CHL1: variants seen among roughly 807,000 people sequenced by gnomAD.
CHL1 encodes the protein cell adhesion molecule L1 like, also known as neural cell adhesion molecule L1-like protein.
Under a neutral mutation model 141.9 loss-of-function variants are expected in CHL1, and 96 were observed. The ratio of observed to expected loss-of-function variants is 0.68; its 90% confidence interval spans 0.57 to 0.80. The LOEUF (loss-of-function observed/expected upper bound fraction) is 0.80. Ranked by LOEUF, CHL1 falls within the 30% of genes least tolerant of loss-of-function variation. CHL1 has a pLI of 0.00. For missense variants in CHL1, 1,820 were observed against 1,457.2 expected, an observed-to-expected ratio of 1.25 and a Z score of -4.05; for synonymous variants, 613 against 502.2, an observed-to-expected ratio of 1.22 and a Z score of -2.95.
chr3:392,723 G>A (rs1175827482), intron 23 of CHL1, among the ~76,000 whole-genome samples: 1 of 152,192 alleles, frequency 6.6e-6, no homozygotes, highest in African/African-American at 2.4e-5. Context: ...ATCAGCTCAA[G>A]ACTTCCAGCA....
intron 2 of CHL1, among the ~76,000 whole-genome samples, chr3:316,638 A>G (rs972476217): frequency 6.6e-6 from 1 of 152,032 alleles, no homozygotes; most frequent in Non-Finnish European, 1.5e-5. Context: ...TTTTAGTAAG[A>G]GTATGACTGG....
chr3:216,969 G>C (rs1363714711), intron 1 of CHL1, among the ~76,000 whole-genome samples: 2 of 152,246 alleles, frequency 1.3e-5, no homozygotes, highest in East Asian at 3.9e-4. Context: ...TTAGTTATGT[G>C]CCATTTCAGC....
chr3:208,838 A>G (rs1024321392), intron 1 of CHL1, among the ~76,000 whole-genome samples: 4 of 152,176 alleles, frequency 2.6e-5, no homozygotes, highest in African/African-American at 9.7e-5. Flanking sequence ...TTAGTTAGTA[A>G]TTACTGTTAT....
chr3:391,941 A>C (rs1463144191), intron 23 of CHL1, 144 bp downstream of exon 23: 1 of 630,840 alleles, frequency 1.6e-6, no homozygotes, highest in Non-Finnish European at 2.5e-6. Context: ...GGGGTCTGTA[A>C]ACTGGCTTGC....
At chr3:306,494 T>C (rs1033450062) in intron 2 of CHL1, among the ~76,000 whole-genome samples, 42 of 152,174 alleles carry the variant, frequency 2.8e-4, no homozygotes, top group Non-Finnish European at 5.0e-4. Context: ...ATCTCTCTGA[T>C]TATAGTTGGT....
At chr3:226,952 T>G (rs1030492371) in intron 1 of CHL1, among the ~76,000 whole-genome samples, 1 of 152,116 alleles carries the variant, frequency 6.6e-6, no homozygotes. Flanking sequence ...AAATGGAAAG[T>G]TTTTGCTAAA....
At chr3:198,282 C>T (rs1222011356) in intron 1 of CHL1, among the ~76,000 whole-genome samples, 1 of 152,020 alleles carries the variant, frequency 6.6e-6, no homozygotes, top group African/African-American at 2.4e-5. Flanking sequence ...GCGTCCAGTC[C>T]CGCTCGTGGG....
intron 24 of CHL1, among the ~76,000 whole-genome samples, chr3:397,817 C>G (rs1390494171): frequency 1.3e-5 from 2 of 150,576 alleles, no homozygotes; most frequent in African/African-American, 4.9e-5. Context: ...AAGACCAAAG[C>G]AAAAAAAAGC....
intron 2 of CHL1, among the ~76,000 whole-genome samples, chr3:261,645 G>A (rs1472884856): frequency 1.3e-5 from 2 of 151,992 alleles, no homozygotes; most frequent in Non-Finnish European, 2.9e-5. Flanking sequence ...ATGGCTCTTT[G>A]ATTATTAATG....
At chr3:284,998 T>G (rs57059620) in intron 2 of CHL1, among the ~76,000 whole-genome samples, 3,755 of 152,348 alleles carry the variant, frequency 0.025, 150 homozygotes, top group African/African-American at 0.086. Flanking sequence ...AATAGATGTC[T>G]AAAATGAACT....
rs1370892864 is a variant in CHL1 at position 383,739 on chromosome 3, G to T, written c.2177-77G>T. 28 of 870,730 alleles carry T rather than the reference G, an allele frequency of 3.2e-5. No homozygotes were observed. In the East Asian group the frequency reaches 5.7e-4, roughly 18 times the overall value. 53.9% of individuals were successfully genotyped at this position (870,730 alleles called of 1,614,324 possible). ...AACTTACTTAATTATCTGTGTTTTT[G>T]GGGGGCAGGAGTTGTGATATGATGA... On this transcript the variant is annotated intron_variant, in intron 18 of 27. Coordinates refer to ENST00000256509, the MANE Select transcript of CHL1 (RefSeq NM_006614.4).
At position 250,063 on chromosome 3, in the gene CHL1, C is replaced by A. The variant is rs1693546340; in HGVS notation, c.-95+5371C>A. 4.6e-5 allele frequency among the ~76,000 whole-genome samples: 7 copies of A among 151,954 alleles called. No homozygotes were observed. In the South Asian group the frequency reaches 1.5e-3, roughly 32 times the overall value. On this transcript the variant is annotated intron_variant, in intron 2 of 27. Coordinates refer to ENST00000256509, the MANE Select transcript of CHL1 (RefSeq NM_006614.4). ...CTCATTGCAGCTTTGATCTCCCAGG[C>A]TCAAATGATTCTCTTGCCTTAGCCT...
intron 10 of CHL1, among the ~76,000 whole-genome samples, chr3:351,573 T>C (rs1456716667): frequency 6.6e-6 from 1 of 152,156 alleles, no homozygotes; most frequent in Admixed American, 6.5e-5. Context: ...TTGTCTCTTT[T>C]TTAGAAGCCC....
chr3:389,311 A>G lies in CHL1; in HGVS notation c.2307A>G (p.Pro769=), dbSNP rs1708035689. 1 of 1,614,148 alleles carries G rather than the reference A, an allele frequency of 6.2e-7. No homozygotes were observed. Among genetic ancestry groups the G allele is most frequent in the Non-Finnish European group, 8.5e-7 (1 of 1,180,028 alleles). The change falls in exon 20 of 28, where the codon CCA becomes CCG. Residue 769 remains proline, a synonymous_variant. Transcript: ENST00000256509. ...TAGAGTACAGAGTGACCTGGAAGCC[A>G]CAGGGAGCCCCAGTGGAGTGGGAAG... ...PGLEYRVTWK[P]QGAPVEWEEE...
intron 1 of CHL1, among the ~76,000 whole-genome samples, chr3:227,361 C>G (rs1487891762): frequency 6.6e-6 from 1 of 152,164 alleles, no homozygotes. Flanking sequence ...TCCAGTGATG[C>G]CAGTTCCTAG....
At chr3:304,754 G>A (rs1575013088) in intron 2 of CHL1, among the ~76,000 whole-genome samples, 2 of 152,078 alleles carry the variant, frequency 1.3e-5, no homozygotes, top group Non-Finnish European at 1.5e-5. Context: ...GTTCTGCTCT[G>A]ATCTTAGCTA....
chr3:287,775 T>A (rs993542154), intron 2 of CHL1, among the ~76,000 whole-genome samples: 1 of 151,932 alleles, frequency 6.6e-6, no homozygotes, highest in Admixed American at 6.6e-5. Flanking sequence ...TTTTTTTGTT[T>A]TTTTTTTTGA....
chr3:399,025 G>A lies in CHL1; in HGVS notation c.3262G>A (p.Gly1088Ser). The part of the protein sequence containing the change: ...VIETRGREYA[G>S]LYDDISTQGW... Reference sequence around the variant, plus strand: ...TTCTCTTTCTACCACAGAATATGCTGGTTTATATGATGACATCTCCACTCA... The same window carrying A: ...TTCTCTTTCTACCACAGAATATGCTAGTTTATATGATGACATCTCCACTCA... The change falls in exon 26 of 28, where the codon GGT (glycine) becomes AGT (serine). Residue 1088 changes from glycine (G) to serine (S), a missense_variant. Gly to Ser is a moderately conservative substitution (Grantham distance 56). Coordinates refer to ENST00000256509, the MANE Select transcript of CHL1 (RefSeq NM_006614.4). 1 of 1,613,298 alleles carries A rather than the reference G, an allele frequency of 6.2e-7. No individual in the cohort carries two copies. Among genetic ancestry groups the A allele is most frequent in the Non-Finnish European group, 8.5e-7 (1 of 1,179,344 alleles).
At chr3:339,988 T>C (rs143493533) in intron 5 of CHL1, among the ~76,000 whole-genome samples, 2 of 152,182 alleles carry the variant, frequency 1.3e-5, no homozygotes, top group Non-Finnish European at 2.9e-5. Flanking sequence ...TTGAAAGATA[T>C]CAATGTAATG....
Sources: gnomAD v4.1 joint callset for allele counts (sites outside exome capture counted in the v4.1 genomes callset) on GRCh38, gnomAD v4.1.1 for gene constraint, MANE v1.5 for transcripts, NCBI Gene and HGNC (gene_info 2026-07-23, HGNC 2026-07-21) for gene names.